The following ZNF267 variants were observed in gnomAD, a reference collection of about 807,000 sequenced individuals.
ZNF267 encodes the protein zinc finger (C2H2).
A neutral mutation model predicts 71.6 loss-of-function variants in ZNF267; 61 were observed. The ratio of observed to expected loss-of-function variants is 0.85; its 90% confidence interval spans 0.69 to 1.05. The LOEUF is 1.05. Among genes scored for constraint, ZNF267 ranks in the 50% least tolerant of loss-of-function variants. The probability of loss-of-function intolerance (pLI) is 0.00; values close to 1 mark genes in which losing one functional copy is unlikely to be tolerated. For missense variants in ZNF267, 852 were observed against 870.0 expected (o/e 0.98, Z 0.26); for synonymous variants, 288 against 293.2 (o/e 0.98, Z 0.18).
At chr16:31,874,067 G>C (rs2083834052) in intron 1 of ZNF267, 98 bp downstream of exon 1, 3 of 1,399,622 alleles carry the variant, frequency 2.1e-6, no homozygotes, top group African/African-American at 2.8e-5. Flanking sequence ...CCCGCAGTCA[G>C]CCTCGGGGTC....
At chr16:31,886,124 A>T (rs2083922579) in intron 3 of ZNF267, among the ~76,000 whole-genome samples, 1 of 152,162 alleles carries the variant, frequency 6.6e-6, no homozygotes, top group South Asian at 2.1e-4. Context: ...TCTTTCCACA[A>T]TATAAATATT....
At chr16:31,874,101 C>T (rs1248967278) in intron 1 of ZNF267, 132 bp downstream of exon 1, 2 of 996,380 alleles carry the variant, frequency 2.0e-6, no homozygotes, top group East Asian at 2.6e-5. Context: ...CCAACTGGTG[C>T]AGCTCGGCCC....
chr16:31,915,066 G>A lies in ZNF267; in HGVS notation c.817G>A (p.Val273Ile). Residue 273 changes from valine (V) to isoleucine (I), a missense_variant, in exon 4 of 4, where the codon GTA (valine) becomes ATA (isoleucine). By Grantham distance (29) the Val-to-Ile change is conservative (BLOSUM62 3). Transcript: ENST00000300870. Reference protein sequence around the residue: ...QEQSYKCNKCVEVCTQSLKHI... With the variant: ...QEQSYKCNKCIEVCTQSLKHI... ...ACAGTCTTACAAATGTAATAAATGT[G>A]TAGAAGTTTGTACCCAGTCATTAAA... The A allele has an allele frequency of 6.2e-7, 1 of 1,613,426 alleles. No individual in the cohort carries two copies.
intron 3 of ZNF267, among the ~76,000 whole-genome samples, chr16:31,903,468 T>C (rs1230403723): frequency 1.3e-5 from 2 of 152,234 alleles, no homozygotes; most frequent in Non-Finnish European, 1.5e-5. Context: ...TTTCAGAGCC[T>C]GTTATTGGTC....
In ZNF267 at chr16:31,909,384, C is replaced by T. The variant is rs372610216; in HGVS notation, c.227-5092C>T. On this transcript the variant is annotated intron_variant, in intron 3 of 3. Transcript: ENST00000300870. ...CTGACCTCAAGTGATCTGCCCACCT[C>T]GGCCTCCTAGGGTGCTGGGATTACA... is the stretch of plus-strand genomic sequence containing the variant. Among the ~76,000 whole-genome samples, 68 of 152,138 alleles carry T rather than the reference C, an allele frequency of 4.5e-4. No individual in the cohort carries two copies. In the East Asian group the frequency reaches 8.9e-3, roughly 20 times the overall value.
rs900187911 is a variant in ZNF267, at chr16:31,917,225, G to A, written c.*744G>A. ...ATTAATATCAGCATTTTTCATGGAAGTTTAATGCCAAATGTAAAACACATG... is the reference window on the plus strand; with the variant it reads ...ATTAATATCAGCATTTTTCATGGAAATTTAATGCCAAATGTAAAACACATG... On this transcript the variant is annotated 3_prime_UTR_variant, in exon 4 of 4. Transcript: ENST00000300870. 2.6e-5 allele frequency: 4 copies of A among 151,922 alleles called. No individual in the cohort carries two copies. Among genetic ancestry groups the A allele is most frequent in the African/African-American group, 9.7e-5 (4 of 41,338 alleles). 9.4% of individuals were successfully genotyped at this position (151,922 alleles called of 1,614,324 possible). A position where few individuals can be genotyped will look rare whatever the true frequency, so the allele number is the denominator to read the frequency against.
intron 1 of ZNF267, chr16:31,875,025 A>T (rs2083842183): frequency 5.7e-6 from 5 of 872,632 alleles, no homozygotes; most frequent in South Asian, 4.2e-5. Context: ...AAAGCAGAGA[A>T]TAAAAAATCC....
chr16:31,885,190 A>G lies in ZNF267; in HGVS notation c.160A>G (p.Thr54Ala), dbSNP rs1342096587. The change falls in exon 3 of 4, where the codon ACC becomes GCC. Residue 54 changes from threonine (T) to alanine (A), a missense_variant. Coordinates refer to ENST00000300870, the MANE Select transcript of ZNF267 (RefSeq NM_003414.6). ...GLVVSKPDLI[T>A]FLEQRKEPWN... ...TGTTGTCTCTAAGCCGGACCTGATC[A>G]CCTTTTTGGAACAAAGGAAAGAGCC... The G allele has an allele frequency of 1.2e-6, 2 of 1,611,400 alleles. No individual in the cohort carries two copies. The highest frequency in any genetic ancestry group is 2.2e-5 in the East Asian group (1 of 44,874).
At position 31,916,145 on chromosome 16, in the gene ZNF267, C is replaced by T. The variant is rs546882375; in HGVS notation, c.1896C>T (p.Tyr632=). Residue 632 remains tyrosine (Y), a synonymous_variant, in exon 4 of 4, where the codon TAC becomes TAT. Coordinates refer to ENST00000300870, the MANE Select transcript of ZNF267 (RefSeq NM_003414.6). ...GAATTCATACTGGCCAGAGACCCTA[C>T]AAATGTGAAGAATGTGGCAAAGCCT... ...HRRIHTGQRP[Y]KCEECGKAFN... The T allele has an allele frequency of 6.2e-7, 1 of 1,613,928 alleles. No homozygotes were observed. Among genetic ancestry groups the T allele is most frequent in the South Asian group, 1.1e-5 (1 of 91,064 alleles).
intron 3 of ZNF267, among the ~76,000 whole-genome samples, chr16:31,901,113 C>T (rs1374332810): frequency 2.6e-5 from 4 of 152,074 alleles, no homozygotes; most frequent in African/African-American, 9.7e-5. Context: ...ATCCATGTCC[C>T]TACAAAGGAC....
chr16:31,898,723 T>C (rs140787561), intron 3 of ZNF267, among the ~76,000 whole-genome samples: 3 of 152,240 alleles, frequency 2.0e-5, no homozygotes, highest in Admixed American at 1.3e-4. Context: ...TGTCCCCTTA[T>C]TGTATTTTAT....
intron 1 of ZNF267, among the ~76,000 whole-genome samples, chr16:31,879,454 C>G (rs952466028): frequency 7.9e-5 from 12 of 152,130 alleles, no homozygotes; most frequent in African/African-American, 2.9e-4. Flanking sequence ...GATAGTTTTT[C>G]TGGGGTTGGA....
chr16:31,883,768 A>G (rs1402482369), intron 1 of ZNF267, among the ~76,000 whole-genome samples: 2 of 152,236 alleles, frequency 1.3e-5, no homozygotes, highest in African/African-American at 4.8e-5. Context: ...AATTTCATAA[A>G]ACTCTCAGTT....
chr16:31,902,452 T>G (rs2084049845), intron 3 of ZNF267, among the ~76,000 whole-genome samples: 1 of 152,260 alleles, frequency 6.6e-6, no homozygotes, highest in Non-Finnish European at 1.5e-5. Flanking sequence ...CATTTGTTTG[T>G]ATACTCTTAT....
At position 31,916,340 on chromosome 16, in the gene ZNF267, C is replaced by T. The variant is rs1228516014; in HGVS notation, c.2091C>T (p.Phe697=). The change falls in exon 4 of 4, where the codon TTC becomes TTT. Residue 697 remains phenylalanine, a synonymous_variant. Coordinates refer to ENST00000300870, the MANE Select transcript of ZNF267 (RefSeq NM_003414.6). ...PYKCDECGKA[F]SYRSYLTTHR... ...AATGTGATGAATGTGGTAAAGCCTT[C>T]AGCTATAGGTCATACCTCACTACAC... The T allele has an allele frequency of 6.2e-6, 10 of 1,612,640 alleles. No homozygotes were observed. The highest frequency in any genetic ancestry group is 8.5e-6 in the Non-Finnish European group (10 of 1,179,680).
chr16:31,885,619 CAT>C (rs1484217473), intron 3 of ZNF267, among the ~76,000 whole-genome samples: 2 of 152,160 alleles, frequency 1.3e-5, no homozygotes, highest in African/African-American at 4.8e-5. Context: ...GGTTTTGCCT[CAT>C]GTCAGAAGTG....
At chr16:31,904,539 A>T (rs1391736268) in intron 3 of ZNF267, among the ~76,000 whole-genome samples, 1 of 152,182 alleles carries the variant, frequency 6.6e-6, no homozygotes, top group Non-Finnish European at 1.5e-5. Flanking sequence ...ACCATTATGT[A>T]ATGGCCTTCT....
chr16:31,906,904 T>C (rs1183416958), intron 3 of ZNF267, among the ~76,000 whole-genome samples: 3 of 152,044 alleles, frequency 2.0e-5, no homozygotes, highest in African/African-American at 7.2e-5. Flanking sequence ...CTGTTCCTAT[T>C]GGCCATCTTG....
At chr16:31,906,670 G>A (rs752117808) in intron 3 of ZNF267, among the ~76,000 whole-genome samples, 7 of 152,110 alleles carry the variant, frequency 4.6e-5, no homozygotes, top group South Asian at 2.1e-4. Context: ...TCCAGGTGCC[G>A]TCTGTCACCC....
Sources: allele counts gnomAD v4.1 joint callset (sites outside exome capture counted in the v4.1 genomes callset), GRCh38; gene constraint gnomAD v4.1.1; transcripts MANE v1.5; gene names NCBI Gene and HGNC (gene_info 2026-07-23, HGNC 2026-07-21).